Variants in CPLX1 observed in about 807,000 individuals in gnomAD.
CPLX1 encodes complexin-1.
Under a neutral mutation model 15.6 loss-of-function variants are expected in CPLX1, and 6 were observed. That is an observed-to-expected ratio of 0.39 (90% CI 0.21 to 0.76). CPLX1 has a LOEUF of 0.76. CPLX1 is among the 30% of genes least tolerant of loss of function. The probability of loss-of-function intolerance (pLI) is 0.43; values close to 1 mark genes in which losing one functional copy is unlikely to be tolerated. For synonymous variants in CPLX1, 91 were observed against 75.2 expected, an observed-to-expected ratio of 1.21 and a Z score of -1.08; for missense variants, 242 against 188.6, an observed-to-expected ratio of 1.28 and a Z score of -1.66.
chr4:805,424 A>G (rs1746539655), intron 2 of CPLX1, among the ~76,000 whole-genome samples: 1 of 152,216 alleles, frequency 6.6e-6, no homozygotes, highest in South Asian at 2.1e-4. Flanking sequence ...ACACCCACTC[A>G]GACGGCTGTT....
At chr4:825,729 AC>A (rs1190504010) in intron 1 of CPLX1, among the ~76,000 whole-genome samples, 5 of 146,030 alleles carry the variant, frequency 3.4e-5, no homozygotes, top group Non-Finnish European at 6.0e-5. Flanking sequence ...CCCGCCCCGG[AC>A]CCCGCGCGCG....
chr4:807,120 T>C (rs1042190434), intron 2 of CPLX1, among the ~76,000 whole-genome samples: 1 of 152,184 alleles, frequency 6.6e-6, no homozygotes, highest in African/African-American at 2.4e-5. Context: ...GTGGTACATA[T>C]ACAACATGGA....
intron 2 of CPLX1, among the ~76,000 whole-genome samples, chr4:797,894 G>T (rs939938186): frequency 1.3e-5 from 2 of 151,838 alleles, no homozygotes; most frequent in African/African-American, 2.4e-5. Context: ...CGCGCCACTG[G>T]ACTCCAGCCT....
At chr4:822,457 T>C (rs1053792859) in intron 2 of CPLX1, among the ~76,000 whole-genome samples, 7 of 152,180 alleles carry the variant, frequency 4.6e-5, no homozygotes, top group Non-Finnish European at 8.8e-5. Context: ...GTGCCGTCTC[T>C]GTTTTCACCT....
In CPLX1 at chr4:786,420, C is replaced by T. The variant is rs1411275738; in HGVS notation, c.*81G>A. 18 of 1,432,366 alleles carry T rather than the reference C, an allele frequency of 1.3e-5. No homozygotes were observed. The East Asian group carries it at 2.1e-4, about 16-fold the overall frequency. The allele number at this position is 1,432,366 out of a possible 1,614,324, so 88.7% of individuals were successfully genotyped here. A position where few individuals can be genotyped will look rare whatever the true frequency, so the allele number is the denominator to read the frequency against. On this transcript the variant is annotated 3_prime_UTR_variant, in exon 4 of 4. Coordinates refer to ENST00000304062, the MANE Select transcript of CPLX1 (RefSeq NM_006651.4). ...CTTATATCGGCGTGGGGGCTGCGCT[C>T]TGCTCGTCCCTCAGGGGCCTCCGCG...
chr4:790,038 C>T (rs1323669006), intron 3 of CPLX1, among the ~76,000 whole-genome samples: 12 of 77,212 alleles, frequency 1.6e-4, no homozygotes, highest in Non-Finnish European at 2.3e-4. Context: ...GGTTCCCCCA[C>T]CCCCCAAAGG....
At chr4:789,448 G>A (rs1335862391) in intron 3 of CPLX1, among the ~76,000 whole-genome samples, 2 of 152,238 alleles carry the variant, frequency 1.3e-5, no homozygotes, top group African/African-American at 2.4e-5. Context: ...AGGAATGATA[G>A]GACCAAACAG....
At chr4:792,370 G>T in intron 3 of CPLX1, 63 bp downstream of exon 3, 1 of 1,410,626 alleles carries the variant, frequency 7.1e-7, no homozygotes, top group Non-Finnish European at 9.3e-7. Context: ...CACCCAGGCG[G>T]GATCTGGGTC....
chr4:810,135 C>T (rs969768271), intron 2 of CPLX1, among the ~76,000 whole-genome samples: 12 of 151,694 alleles, frequency 7.9e-5, no homozygotes, highest in Admixed American at 1.3e-4. Context: ...CTGCAAGCTC[C>T]GCCTCCTGGG....
intron 2 of CPLX1, among the ~76,000 whole-genome samples, chr4:814,817 G>A (rs147975489): frequency 8.9e-4 from 135 of 152,350 alleles, no homozygotes; most frequent in African/African-American, 3.0e-3. Flanking sequence ...AACAAGTGTC[G>A]TGTGTGAGGG....
At chr4:792,830 C>G (rs1746225557) in intron 2 of CPLX1, 1 of 531,306 alleles carries the variant, frequency 1.9e-6, no homozygotes, top group African/African-American at 2.0e-5. Flanking sequence ...TCCTGCTTTG[C>G]TTTCTGTTCC....
chr4:801,023 AC>A (rs1460574646), intron 2 of CPLX1, among the ~76,000 whole-genome samples: 1 of 150,232 alleles, frequency 6.7e-6, no homozygotes. Context: ...TCTCAAAAAA[AC>A]AAAAGGTTGG....
At chr4:787,594 C>T (rs1001831275) in intron 3 of CPLX1, 23 of 830,412 alleles carry the variant, frequency 2.8e-5, no homozygotes, top group African/African-American at 5.6e-5. Flanking sequence ...GAGGAGGTCG[C>T]GAGTGGTCAA....
chr4:811,914 C>G (rs1746671400), intron 2 of CPLX1, among the ~76,000 whole-genome samples: 1 of 152,200 alleles, frequency 6.6e-6, no homozygotes, highest in Non-Finnish European at 1.5e-5. Context: ...CCATGATGTC[C>G]TCTTGATTAG....
At chr4:803,726 A>G (rs1159142586) in intron 2 of CPLX1, among the ~76,000 whole-genome samples, 1 of 150,462 alleles carries the variant, frequency 6.6e-6, no homozygotes, top group East Asian at 2.0e-4. Flanking sequence ...ACTGGAGTGC[A>G]ATGGCGTGAT....
chr4:819,360 G>A (rs1039984989), intron 2 of CPLX1, among the ~76,000 whole-genome samples: 7 of 152,236 alleles, frequency 4.6e-5, no homozygotes, highest in African/African-American at 1.7e-4. Context: ...GTTTCGGGAG[G>A]AAAGGCAGTT....
At chr4:820,332 T>C (rs928295170) in intron 2 of CPLX1, among the ~76,000 whole-genome samples, 5 of 152,314 alleles carry the variant, frequency 3.3e-5, no homozygotes, top group Admixed American at 2.6e-4. Context: ...GAATCCCCCA[T>C]TGCCTCAACC....
At chr4:814,504 C>T (rs530038838) in intron 2 of CPLX1, among the ~76,000 whole-genome samples, 71 of 152,352 alleles carry the variant, frequency 4.7e-4, no homozygotes, top group African/African-American at 1.6e-3. Context: ...TGAGCCACCA[C>T]GCCCGGCCCT....
rs561740220 is a variant in CPLX1, at chr4:788,696, T to C, written c.208-1998A>G. On this transcript the variant is annotated intron_variant, in intron 3 of 3. Coordinates refer to ENST00000304062, the MANE Select transcript of CPLX1 (RefSeq NM_006651.4). ...CGGAAGTGGAGGGAGCATGTGCTCTTCGTCCTGTGGGGCCAGGGGTGTGCT... is the reference window on the plus strand; with the variant it reads ...CGGAAGTGGAGGGAGCATGTGCTCTCCGTCCTGTGGGGCCAGGGGTGTGCT... 3.9e-5 allele frequency among the ~76,000 whole-genome samples: 6 copies of C among 152,260 alleles called. No individual in the cohort carries two copies. The South Asian group carries it at 1.2e-3, about 32-fold the overall frequency.
Sources: gnomAD v4.1 joint callset for allele counts (sites outside exome capture counted in the v4.1 genomes callset) on GRCh38, gnomAD v4.1.1 for gene constraint, MANE v1.5 for transcripts, NCBI Gene and HGNC (gene_info 2026-07-23, HGNC 2026-07-21) for gene names.